Variants in NRXN1 observed in about 807,000 individuals in gnomAD.
NRXN1 encodes the protein neurexin 1.
In NRXN1, 39 loss-of-function variants were observed where a neutral mutation model predicts 150.9. The ratio of observed to expected loss-of-function variants is 0.26; its 90% CI spans 0.20 to 0.34. The LOEUF (loss-of-function observed/expected upper bound fraction) is 0.34, where lower values mean the gene tolerates loss of function less well. Ranked by LOEUF, NRXN1 falls within the 10% of genes least tolerant of loss-of-function variation. The pLI is 1.00. For missense variants in NRXN1, 1,815 were observed against 1,949.9 expected (o/e 0.93, Z 1.30); for synonymous variants, 924 against 757.0 (o/e 1.22, Z -3.62).
intron 21 of NRXN1, among the ~76,000 whole-genome samples, chr2:50,003,391 A>C (rs745965348): frequency 1.6e-4 from 24 of 152,134 alleles, no homozygotes; most frequent in Non-Finnish European, 3.2e-4. Context: ...GCTACTTCAA[A>C]AGCTGTTTTA....
chr2:50,257,848 AT>A (rs2067859776), intron 17 of NRXN1, among the ~76,000 whole-genome samples: 1 of 151,780 alleles, frequency 6.6e-6, no homozygotes, highest in African/African-American at 2.4e-5. Flanking sequence ...AAATTAAAAT[AT>A]AAAACAAAAA....
chr2:49,976,276 G>T (rs1055089816), intron 21 of NRXN1, among the ~76,000 whole-genome samples: 3 of 150,784 alleles, frequency 2.0e-5, no homozygotes, highest in African/African-American at 7.3e-5. Flanking sequence ...CGAGTGATCC[G>T]CCCACCTTGG....
intron 2 of NRXN1, among the ~76,000 whole-genome samples, chr2:50,981,608 T>C (rs1207358886): frequency 1.3e-5 from 2 of 152,004 alleles, no homozygotes; most frequent in Non-Finnish European, 2.9e-5. Flanking sequence ...CATCTATTAA[T>C]GATGAGCTGT....
chr2:50,290,967 G>A lies in NRXN1; in HGVS notation c.3365-53997C>T, dbSNP rs138542545. Reference sequence around the variant, plus strand: ...GGGCCTATTTGCCTGCAGTTGAGGTGCAATTACCCGTCAAATGTGGATGTA... The same window carrying A: ...GGGCCTATTTGCCTGCAGTTGAGGTACAATTACCCGTCAAATGTGGATGTA... On this transcript the variant is annotated intron_variant, in intron 17 of 22. Transcript: ENST00000401669. Among the ~76,000 whole-genome samples the A allele has an allele frequency of 4.9e-3, 744 of 152,186 alleles. 8 individuals are homozygous for A. Among genetic ancestry groups the A allele is most frequent in the African/African-American group, 0.017 (704 of 41,530 alleles).
At chr2:50,926,639 A>T (rs1349480603) in intron 2 of NRXN1, among the ~76,000 whole-genome samples, 1 of 151,918 alleles carries the variant, frequency 6.6e-6, no homozygotes, top group African/African-American at 2.4e-5. Flanking sequence ...AGAGAAGTCC[A>T]CTGGGAACTG....
intron 5 of NRXN1, among the ~76,000 whole-genome samples, chr2:50,739,743 C>G (rs528869471): frequency 2.6e-5 from 4 of 152,228 alleles, no homozygotes; most frequent in African/African-American, 9.6e-5. Context: ...TAGGAAGTAT[C>G]ACAGATTATG....
At chr2:50,747,468 A>AC (rs1700149211) in intron 5 of NRXN1, among the ~76,000 whole-genome samples, 2 of 151,998 alleles carry the variant, frequency 1.3e-5, no homozygotes, top group African/African-American at 4.8e-5. Flanking sequence ...AACACAGTCA[A>AC]CCATATGTTA....
intron 2 of NRXN1, among the ~76,000 whole-genome samples, chr2:50,937,885 A>T (rs1014118627): frequency 6.6e-6 from 1 of 152,174 alleles, no homozygotes; most frequent in Admixed American, 6.6e-5. Flanking sequence ...TTGTGCAAGC[A>T]TAATAGGGTG....
chr2:50,535,163 AAAC>A (rs2105236452), intron 10 of NRXN1, among the ~76,000 whole-genome samples: 1 of 152,360 alleles, frequency 6.6e-6, no homozygotes, highest in Admixed American at 6.5e-5. Context: ...AATAAATGGT[AAAC>A]AACATTCTGA....
At chr2:50,269,944 C>A (rs1264408225) in intron 17 of NRXN1, among the ~76,000 whole-genome samples, 2 of 152,010 alleles carry the variant, frequency 1.3e-5, no homozygotes, top group Non-Finnish European at 2.9e-5. Flanking sequence ...ATTATTTGGA[C>A]TTACAAAAAG....
Position 49,947,306 on chromosome 2 carries a change from C to T in NRXN1, c.4129-3515G>A, listed in dbSNP as rs938616582. 2.0e-5 allele frequency among the ~76,000 whole-genome samples: 3 copies of T among 151,892 alleles called. No individual in the cohort carries two copies. In the East Asian group the frequency reaches 5.8e-4, roughly 29 times the overall value. On this transcript the variant is annotated intron_variant, in intron 21 of 22. Coordinates refer to ENST00000401669, the MANE Select transcript of NRXN1 (RefSeq NM_001330078.2). ...AGAGGGAGGAGGATATAAATAAATT[C>T]TTTAAACCAATGGCTCTCACATCAG...
intron 2 of NRXN1, among the ~76,000 whole-genome samples, chr2:51,020,934 AT>A (rs1338653476): frequency 6.6e-6 from 1 of 151,978 alleles, no homozygotes; most frequent in African/African-American, 2.4e-5. Flanking sequence ...AAGCCTTGCA[AT>A]TTTCTGAACA....
At chr2:50,453,046 A>G (rs572726644) in intron 17 of NRXN1, among the ~76,000 whole-genome samples, 2 of 152,368 alleles carry the variant, frequency 1.3e-5, no homozygotes, top group African/African-American at 4.8e-5. Context: ...TATCCAAGAT[A>G]GTATTAAAAC....
At chr2:50,255,028 G>C (rs1376704033) in intron 17 of NRXN1, among the ~76,000 whole-genome samples, 1 of 152,004 alleles carries the variant, frequency 6.6e-6, no homozygotes, top group Non-Finnish European at 1.5e-5. Flanking sequence ...GGCTAGTCTT[G>C]AATTCCTGGG....
chr2:50,218,042 A>G (rs1490797518), intron 18 of NRXN1, among the ~76,000 whole-genome samples: 1 of 151,766 alleles, frequency 6.6e-6, no homozygotes, highest in Non-Finnish European at 1.5e-5. Flanking sequence ...TACCTGAACT[A>G]CCTCCTCTGC....
intron 5 of NRXN1, among the ~76,000 whole-genome samples, chr2:50,726,958 G>C (rs75197346): frequency 0.024 from 3,585 of 152,058 alleles, 64 homozygotes; most frequent in South Asian, 0.048. Context: ...CAATTTAAAA[G>C]AAATTAGAAT....
intron 5 of NRXN1, among the ~76,000 whole-genome samples, chr2:50,850,475 C>T (rs1488242359): frequency 2.0e-5 from 3 of 152,098 alleles, no homozygotes; most frequent in African/African-American, 7.2e-5. Context: ...ACTATTTTGA[C>T]TTTCTTTCTT....
intron 5 of NRXN1, among the ~76,000 whole-genome samples, chr2:50,823,139 T>C (rs1669970373): frequency 6.6e-6 from 1 of 152,194 alleles, no homozygotes; most frequent in Non-Finnish European, 1.5e-5. Context: ...TTAAGATCTC[T>C]GCAGGCAGGC....
intron 18 of NRXN1, among the ~76,000 whole-genome samples, chr2:50,191,222 T>C (rs1429667906): frequency 6.9e-6 from 1 of 145,890 alleles, no homozygotes; most frequent in Non-Finnish European, 1.5e-5. Context: ...TTTTTTTTAG[T>C]AGAGACGGGG....
Sources: allele counts gnomAD v4.1 joint callset (sites outside exome capture counted in the v4.1 genomes callset), GRCh38; gene constraint gnomAD v4.1.1; transcripts MANE v1.5; gene names NCBI Gene and HGNC (gene_info 2026-07-23, HGNC 2026-07-21).